The following RMST variants were observed in gnomAD, a reference collection of about 807,000 sequenced individuals.
The protein encoded by RMST is rhabdomyosarcoma 2 associated transcript.
chr12:97,505,415 A>C (rs1026630718), intron 10 of RMST, among the ~76,000 whole-genome samples: 3 of 152,230 alleles, frequency 2.0e-5, no homozygotes, highest in Non-Finnish European at 4.4e-5. Flanking sequence ...GCATGGTAGC[A>C]CACTAGCAGA....
At chr12:97,515,367 G>A (rs189166298) in intron 10 of RMST, among the ~76,000 whole-genome samples, 1 of 152,104 alleles carries the variant, frequency 6.6e-6, no homozygotes, top group Admixed American at 6.5e-5. Context: ...TGTTTTTAGA[G>A]AATAGAAATA....
chr12:97,467,213 C>T (rs1037103722), intron 5 of RMST, among the ~76,000 whole-genome samples: 11 of 152,058 alleles, frequency 7.2e-5, no homozygotes, highest in Admixed American at 3.9e-4. Context: ...GAGATATAAA[C>T]GTGATAAGAT....
intron 10 of RMST, among the ~76,000 whole-genome samples, chr12:97,513,849 G>T (rs1879667895): frequency 6.6e-6 from 1 of 152,134 alleles, no homozygotes; most frequent in Non-Finnish European, 1.5e-5. Context: ...GAACTGTATA[G>T]GTTATGTCCA....
chr12:97,546,158 A>G (rs1438276126), intron 11 of RMST, among the ~76,000 whole-genome samples: 1 of 152,120 alleles, frequency 6.6e-6, no homozygotes, highest in African/African-American at 2.4e-5. Context: ...GGTTGTCATT[A>G]TCCTTGAAGG....
intron 5 of RMST, among the ~76,000 whole-genome samples, chr12:97,470,923 C>T (rs763534298): frequency 3.3e-5 from 5 of 151,928 alleles, no homozygotes; most frequent in African/African-American, 7.3e-5. Context: ...CAATAAAAGC[C>T]GAATTCAACA....
chr12:97,512,204 C>T (rs1486347404), intron 10 of RMST, among the ~76,000 whole-genome samples: 1 of 151,840 alleles, frequency 6.6e-6, no homozygotes, highest in Non-Finnish European at 1.5e-5. Flanking sequence ...TAAGGTGGCG[C>T]GTCTGGCGTT....
chr12:97,463,208 CAG>C (rs1450872065), exon 4 of RMST: 1 of 152,256 alleles, frequency 6.6e-6, no homozygotes, highest in Non-Finnish European at 1.5e-5. Context: ...GCAGTACACA[CAG>C]TGGAGCCGAT....
chr12:97,490,617 G>A (rs1381538189), intron 5 of RMST, among the ~76,000 whole-genome samples: 2 of 152,180 alleles, frequency 1.3e-5, no homozygotes, highest in East Asian at 3.9e-4. Flanking sequence ...TTATCTTCAT[G>A]TCACTAAAAT....
intron 13 of RMST, among the ~76,000 whole-genome samples, chr12:97,561,988 G>A (rs1884145603): frequency 6.6e-6 from 1 of 152,038 alleles, no homozygotes; most frequent in African/African-American, 2.4e-5. Context: ...CATTTTGAGT[G>A]CCCTCCGCTT....
chr12:97,550,114 T>C (rs1003522020), intron 11 of RMST, among the ~76,000 whole-genome samples: 1 of 152,174 alleles, frequency 6.6e-6, no homozygotes, highest in Non-Finnish European at 1.5e-5. Flanking sequence ...CTAAATATTG[T>C]ATTGACAGCC....
intron 11 of RMST, among the ~76,000 whole-genome samples, chr12:97,544,565 A>G (rs1206635426): frequency 6.6e-6 from 1 of 152,056 alleles, no homozygotes; most frequent in Non-Finnish European, 1.5e-5. Context: ...GTACTGGGGG[A>G]ATCGAGTTCC....
chr12:97,548,992 G>C (rs1237384045), intron 11 of RMST, among the ~76,000 whole-genome samples: 1 of 152,124 alleles, frequency 6.6e-6, no homozygotes, highest in Non-Finnish European at 1.5e-5. Context: ...TCTGACAGCA[G>C]AAACTTTTGA....
intron 10 of RMST, among the ~76,000 whole-genome samples, chr12:97,514,709 G>T (rs1879764373): frequency 6.6e-6 from 1 of 150,660 alleles, no homozygotes; most frequent in African/African-American, 2.4e-5. Context: ...CCATTTTCAT[G>T]ACAATAATAG....
chr12:97,463,988 T>A (rs2136368202), intron 4 of RMST, among the ~76,000 whole-genome samples: 1 of 152,246 alleles, frequency 6.6e-6, no homozygotes, highest in African/African-American at 2.4e-5. Context: ...ATAGAGAATA[T>A]CTTATACTTT....
chr12:97,468,552 GT>G (rs1302335137), intron 5 of RMST, among the ~76,000 whole-genome samples: 4 of 151,916 alleles, frequency 2.6e-5, no homozygotes, highest in Admixed American at 2.0e-4. Flanking sequence ...AATTTCCTGT[GT>G]TTTTCTGACA....
intron 10 of RMST, among the ~76,000 whole-genome samples, chr12:97,526,956 A>G (rs927302727): frequency 3.9e-5 from 6 of 152,118 alleles, no homozygotes; most frequent in Non-Finnish European, 4.4e-5. Context: ...TGTTGAACAG[A>G]TTCTTGGTAA....
chr12:97,502,224 C>A (rs1218334387), intron 10 of RMST, among the ~76,000 whole-genome samples: 1 of 152,114 alleles, frequency 6.6e-6, no homozygotes, highest in East Asian at 1.9e-4. Context: ...AATGAAACTG[C>A]TTCATTCTTG....
chr12:97,499,279 C>A, intron 10 of RMST, among the ~76,000 whole-genome samples: 1 of 152,204 alleles, frequency 6.6e-6, no homozygotes, highest in South Asian at 2.1e-4. Flanking sequence ...TCCATATACT[C>A]GTTCTTGCTT....
At chr12:97,491,603 G>A (rs1876823643) in intron 5 of RMST, 2 of 209,146 alleles carry the variant, frequency 9.6e-6, no homozygotes, top group African/African-American at 4.4e-5. Context: ...GTTGGGAAGA[G>A]GTATTGCATT....
Sources: gnomAD v4.1 joint callset for allele counts (sites outside exome capture counted in the v4.1 genomes callset) on GRCh38, gnomAD v4.1.1 for gene constraint, MANE v1.5 for transcripts, NCBI Gene and HGNC (gene_info 2026-07-23, HGNC 2026-07-21) for gene names.